RNF150: variants seen among roughly 807,000 people sequenced by gnomAD.
RNF150 encodes the protein ring finger protein 150.
In RNF150, 24 loss-of-function variants were observed where a neutral mutation model predicts 39.3. The observed-to-expected ratio is 0.61, with a 90% CI of 0.44 to 0.86. The LOEUF is 0.86. Ranked by LOEUF, RNF150 falls within the 40% of genes least tolerant of loss-of-function variation. The pLI is 0.00. For synonymous variants in RNF150, 255 were observed against 227.3 expected (o/e 1.12, Z -1.10); for missense variants, 502 against 587.8 (o/e 0.85, Z 1.51).
chr4:141,119,541 T>A (rs1726545514), intron 1 of RNF150, among the ~76,000 whole-genome samples: 1 of 152,186 alleles, frequency 6.6e-6, no homozygotes, highest in South Asian at 2.1e-4. Flanking sequence ...ACATATCCAT[T>A]CTGTTATCTA....
intron 5 of RNF150, among the ~76,000 whole-genome samples, chr4:140,925,180 T>A (rs1185100714): frequency 6.6e-6 from 1 of 152,180 alleles, no homozygotes; most frequent in Non-Finnish European, 1.5e-5. Context: ...CATCTCTCAG[T>A]GTAGTCCTTG....
intron 1 of RNF150, among the ~76,000 whole-genome samples, chr4:141,006,378 A>G (rs1734874756): frequency 6.6e-6 from 1 of 152,088 alleles, no homozygotes; most frequent in South Asian, 2.1e-4. Context: ...GTAATCTCCT[A>G]TAAACTAATT....
At chr4:140,986,222 G>A (rs1201756211) in intron 1 of RNF150, among the ~76,000 whole-genome samples, 1 of 152,072 alleles carries the variant, frequency 6.6e-6, no homozygotes, top group Non-Finnish European at 1.5e-5. Context: ...AAAATGCGCT[G>A]CCCACGTCTG....
intron 1 of RNF150, among the ~76,000 whole-genome samples, chr4:141,193,738 T>C (rs1290032707): frequency 1.3e-5 from 2 of 152,174 alleles, no homozygotes; most frequent in African/African-American, 4.8e-5. Flanking sequence ...GAGAGAAGCC[T>C]GTCTGATACA....
At chr4:140,966,972 G>C (rs1733267153) in intron 2 of RNF150, among the ~76,000 whole-genome samples, 1 of 152,170 alleles carries the variant, frequency 6.6e-6, no homozygotes. Context: ...GCAGTCATTA[G>C]AAGTGAGACG....
intron 1 of RNF150, among the ~76,000 whole-genome samples, chr4:141,180,850 C>G (rs185998642): frequency 6.6e-6 from 1 of 152,148 alleles, no homozygotes; most frequent in Admixed American, 6.5e-5. Context: ...TCAGGTACTG[C>G]AATTCCTAGA....
At chr4:141,145,377 T>C (rs1486053651) in intron 1 of RNF150, among the ~76,000 whole-genome samples, 1 of 152,220 alleles carries the variant, frequency 6.6e-6, no homozygotes, top group East Asian at 1.9e-4. Flanking sequence ...CTGTGGAATA[T>C]TATGAAGGCT....
intron 4 of RNF150, among the ~76,000 whole-genome samples, chr4:140,934,520 C>T (rs115809858): frequency 5.2e-4 from 79 of 152,040 alleles, no homozygotes; most frequent in Admixed American, 1.0e-3. Flanking sequence ...TGTCCTTCTA[C>T]GAAAAGTCTG....
rs377686115 is a variant in RNF150, at chr4:141,118,138, G to A, written c.484+14187C>T. On this transcript the variant is annotated intron_variant, in intron 1 of 6. Transcript: ENST00000515673. ...AGAGCCACACAAGCTCTGCTTCCTG[G>A]GGAGCTAGTGTCAGACCCGTTACAT... Among the ~76,000 whole-genome samples, 73 of 152,114 alleles carry A rather than the reference G, an allele frequency of 4.8e-4. No homozygotes were observed. In the South Asian group the frequency reaches 0.015, roughly 31 times the overall value.
chr4:140,983,567 A>T (rs1424041081), intron 1 of RNF150, among the ~76,000 whole-genome samples: 3 of 152,084 alleles, frequency 2.0e-5, no homozygotes, highest in African/African-American at 7.2e-5. Flanking sequence ...AGGGCACTTC[A>T]GGGAATCTGC....
chr4:141,194,309 A>G (rs1339856542), intron 1 of RNF150, among the ~76,000 whole-genome samples: 1 of 152,204 alleles, frequency 6.6e-6, no homozygotes, highest in African/African-American at 2.4e-5. Context: ...TTTTACTAAC[A>G]TTGTAGCTAA....
chr4:140,881,974 G>T (rs1729389626), intron 6 of RNF150, among the ~76,000 whole-genome samples: 1 of 151,996 alleles, frequency 6.6e-6, no homozygotes, highest in African/African-American at 2.4e-5. Flanking sequence ...GGTTGGAAAA[G>T]ATATTTCGTA....
chr4:141,016,041 T>G (rs1302964678), intron 1 of RNF150, among the ~76,000 whole-genome samples: 1 of 152,182 alleles, frequency 6.6e-6, no homozygotes. Flanking sequence ...CCAATGTTGT[T>G]ATGTGACCTC....
At chr4:141,026,320 T>A (rs1322478096) in intron 1 of RNF150, among the ~76,000 whole-genome samples, 1 of 152,188 alleles carries the variant, frequency 6.6e-6, no homozygotes, top group Non-Finnish European at 1.5e-5. Context: ...AAAATGAGTA[T>A]ATATTGGAGA....
intron 1 of RNF150, among the ~76,000 whole-genome samples, chr4:140,976,891 C>T (rs1301734128): frequency 6.6e-6 from 1 of 152,000 alleles, no homozygotes; most frequent in Non-Finnish European, 1.5e-5. Context: ...GATCACTATC[C>T]TCAGTTGAAC....
rs1413960299 is a variant in RNF150, at chr4:140,864,364, A to G, written c.*3897T>C. 1 of 152,208 alleles carries G rather than the reference A, an allele frequency of 6.6e-6. No homozygotes were observed. Among genetic ancestry groups the G allele is most frequent in the Non-Finnish European group, 1.5e-5 (1 of 68,068 alleles). 9.4% of individuals were successfully genotyped at this position (152,208 alleles called of 1,614,324 possible). On this transcript the variant is annotated 3_prime_UTR_variant, in exon 7 of 7. Coordinates refer to ENST00000515673, the MANE Select transcript of RNF150 (RefSeq NM_020724.2). The stretch of plus-strand genomic sequence containing the variant: ...AGGGCTCAGCTCTTCCAAAGGGACT[A>G]GCCACATAGGAGGTAGCAGTTCCTA...
chr4:140,889,719 G>A (rs1729693405), intron 6 of RNF150, among the ~76,000 whole-genome samples: 1 of 152,136 alleles, frequency 6.6e-6, no homozygotes, highest in African/African-American at 2.4e-5. Flanking sequence ...TCTCAGATAA[G>A]CCCTCCTTGA....
intron 5 of RNF150, among the ~76,000 whole-genome samples, chr4:140,914,155 A>C (rs1483717438): frequency 6.6e-6 from 1 of 152,200 alleles, no homozygotes; most frequent in African/African-American, 2.4e-5. Flanking sequence ...GGATAGTAGG[A>C]ATAGTGCTGT....
intron 1 of RNF150, among the ~76,000 whole-genome samples, chr4:141,171,207 C>T (rs6825112): frequency 0.24 from 37,233 of 152,022 alleles, 5,220 homozygotes; most frequent in East Asian, 0.64. Context: ...TCCTCGCCAG[C>T]CCACACTGCA....
Sources: allele counts gnomAD v4.1 joint callset (sites outside exome capture counted in the v4.1 genomes callset), GRCh38; gene constraint gnomAD v4.1.1; transcripts MANE v1.5; gene names NCBI Gene and HGNC (gene_info 2026-07-23, HGNC 2026-07-21).